NECAB1: variants seen among roughly 807,000 people sequenced by gnomAD.
The protein encoded by NECAB1 is N-terminal EF-hand calcium binding protein 1, also known as N-terminal EF-hand calcium-binding protein 1.
Under a neutral mutation model 57.5 loss-of-function variants are expected in NECAB1, and 29 were observed. That is an observed-to-expected ratio of 0.50 (90% confidence interval 0.38 to 0.69). The LOEUF is 0.69. NECAB1 is among the 30% of genes least tolerant of loss of function. NECAB1 has a pLI of 0.00. For missense variants in NECAB1, 372 were observed against 413.8 expected (o/e 0.90, Z 0.88); for synonymous variants, 142 against 147.7 (o/e 0.96, Z 0.28).
At chr8:90,814,620 TTTG>T (rs1311337196) in intron 2 of NECAB1, among the ~76,000 whole-genome samples, 4 of 152,284 alleles carry the variant, frequency 2.6e-5, no homozygotes, top group South Asian at 2.1e-4. Flanking sequence ...CTCAATTTGT[TTTG>T]TTCTTCAAAT....
chr8:90,856,223 G>C (rs1389419445), intron 3 of NECAB1, among the ~76,000 whole-genome samples: 1 of 152,154 alleles, frequency 6.6e-6, no homozygotes, highest in East Asian at 1.9e-4. Flanking sequence ...TTTTTAAAGG[G>C]AGGAGGAATA....
At chr8:90,922,126 T>A (rs550218072) in intron 6 of NECAB1, among the ~76,000 whole-genome samples, 42 of 152,368 alleles carry the variant, frequency 2.8e-4, no homozygotes, top group Admixed American at 9.1e-4. Flanking sequence ...ATAAGTATGT[T>A]ATATGGAAGT....
intron 3 of NECAB1, among the ~76,000 whole-genome samples, chr8:90,830,529 T>C (rs1812285513): frequency 2.0e-5 from 3 of 151,980 alleles, no homozygotes; most frequent in Non-Finnish European, 4.4e-5. Flanking sequence ...CAATACAAAT[T>C]TGGCCAAGGA....
intron 5 of NECAB1, among the ~76,000 whole-genome samples, chr8:90,900,929 A>T (rs1586104175): frequency 6.6e-6 from 1 of 152,208 alleles, no homozygotes; most frequent in Non-Finnish European, 1.5e-5. Flanking sequence ...AGTAAGATAA[A>T]GGTACTTTAA....
chr8:90,794,583 G>A (rs773790542), intron 1 of NECAB1, among the ~76,000 whole-genome samples: 70 of 152,260 alleles, frequency 4.6e-4, no homozygotes, highest in Non-Finnish European at 9.0e-4. Context: ...ATGACCAGCT[G>A]GTTGGAAACT....
At chr8:90,892,548 C>A (rs1217596470) in intron 5 of NECAB1, among the ~76,000 whole-genome samples, 6 of 152,140 alleles carry the variant, frequency 3.9e-5, no homozygotes, top group East Asian at 1.9e-4. Flanking sequence ...CATATTTGTA[C>A]CCCCTTTAGA....
At chr8:90,895,236 A>G (rs544170678) in intron 5 of NECAB1, among the ~76,000 whole-genome samples, 1 of 152,386 alleles carries the variant, frequency 6.6e-6, no homozygotes, top group Admixed American at 6.5e-5. Flanking sequence ...GATCATCTGC[A>G]GTGACAGAAC....
chr8:90,915,614 T>G (rs1793458411), intron 5 of NECAB1, among the ~76,000 whole-genome samples: 1 of 152,118 alleles, frequency 6.6e-6, no homozygotes, highest in African/African-American at 2.4e-5. Context: ...GGATAGATGT[T>G]TATATGAAGG....
At chr8:90,913,167 C>A (rs1020168291) in intron 5 of NECAB1, among the ~76,000 whole-genome samples, 1 of 152,148 alleles carries the variant, frequency 6.6e-6, no homozygotes, top group Admixed American at 6.5e-5. Flanking sequence ...GATGCACAGA[C>A]AGTTTTCTAA....
At position 90,921,557 on chromosome 8, in the gene NECAB1, C is replaced by T. The variant is rs376316489; in HGVS notation, c.494+3929C>T. Among the ~76,000 whole-genome samples the T allele has an allele frequency of 3.2e-4, 49 of 152,128 alleles. 1 individual carries two copies. Among genetic ancestry groups the T allele is most frequent in the African/African-American group, 1.2e-3 (48 of 41,522 alleles). On this transcript the variant is annotated intron_variant, in intron 6 of 12. Transcript: ENST00000417640. ...ATGGTGGTGGCAGATACCTGCAATC[C>T]CAGCTACTCTGGAGGCTGAAGCAGA...
intron 2 of NECAB1, among the ~76,000 whole-genome samples, chr8:90,802,289 C>A (rs1038252156): frequency 1.3e-5 from 2 of 152,210 alleles, no homozygotes; most frequent in African/African-American, 4.8e-5. Flanking sequence ...TAATCTATAG[C>A]AACAGAGAAG....
At chr8:90,813,091 G>A (rs1050387073) in intron 2 of NECAB1, 7 of 152,234 alleles carry the variant, frequency 4.6e-5, no homozygotes, top group African/African-American at 1.2e-4. Flanking sequence ...GGGAGGCTGA[G>A]GCAGGAGAAT....
chr8:90,860,019 C>T (rs746653371), intron 3 of NECAB1, among the ~76,000 whole-genome samples: 1 of 152,022 alleles, frequency 6.6e-6, no homozygotes, highest in African/African-American at 2.4e-5. Context: ...TAAGACCATG[C>T]AGCTAGAGGA....
intron 3 of NECAB1, among the ~76,000 whole-genome samples, chr8:90,869,242 C>T (rs1347676118): frequency 6.6e-6 from 1 of 152,220 alleles, no homozygotes; most frequent in Admixed American, 6.5e-5. Context: ...GGGTAGAACC[C>T]TCATGGAGAA....
chr8:90,940,923 T>TA, intron 10 of NECAB1, 25 bp downstream of exon 10: 1 of 1,524,140 alleles, frequency 6.6e-7, no homozygotes, highest in Non-Finnish European at 8.9e-7. Flanking sequence ...TCCTGCACCT[T>TA]AGGCCTTTGG....
chr8:90,805,507 G>A (rs1811833353), intron 2 of NECAB1, among the ~76,000 whole-genome samples: 1 of 151,390 alleles, frequency 6.6e-6, no homozygotes, highest in South Asian at 2.1e-4. Flanking sequence ...GATTTTTTTG[G>A]TTGGTTTTTT....
chr8:90,803,731 G>A (rs1811799483), intron 2 of NECAB1, among the ~76,000 whole-genome samples: 1 of 151,956 alleles, frequency 6.6e-6, no homozygotes, highest in African/African-American at 2.4e-5. Flanking sequence ...TCTTCCTCAT[G>A]TATCCTCCTC....
intron 10 of NECAB1, among the ~76,000 whole-genome samples, chr8:90,948,113 T>C (rs1219529523): frequency 6.6e-6 from 1 of 152,196 alleles, no homozygotes; most frequent in East Asian, 1.9e-4. Context: ...CAGTATACTG[T>C]TGAAGGTTAT....
At chr8:90,861,185 GGCATCCTCT>G (rs1217181950) in intron 3 of NECAB1, among the ~76,000 whole-genome samples, 3 of 152,106 alleles carry the variant, frequency 2.0e-5, no homozygotes, top group Non-Finnish European at 4.4e-5. Flanking sequence ...GAGAATTAAA[GGCATCCTCT>G]ACAATGTCTC....
Sources: gnomAD v4.1 joint callset for allele counts (sites outside exome capture counted in the v4.1 genomes callset) on GRCh38, gnomAD v4.1.1 for gene constraint, MANE v1.5 for transcripts, NCBI Gene and HGNC (gene_info 2026-07-23, HGNC 2026-07-21) for gene names.